The following RSRC1 variants were observed in gnomAD, a reference collection of about 807,000 sequenced individuals.
RSRC1 encodes serine/Arginine-related protein 53.
Under a neutral mutation model 49.1 loss-of-function variants are expected in RSRC1, and 39 were observed. That is an observed-to-expected ratio of 0.79 (90% CI 0.61 to 1.04). The LOEUF (loss-of-function observed/expected upper bound fraction) is 1.04, where lower values mean the gene tolerates loss of function less well. Ranked by LOEUF, RSRC1 falls within the 50% of genes least tolerant of loss-of-function variation. The probability of loss-of-function intolerance (pLI) is 0.00; values close to 1 mark genes in which losing one functional copy is unlikely to be tolerated. For missense variants in RSRC1, 388 were observed against 402.4 expected (o/e 0.96, Z 0.31); for synonymous variants, 143 against 130.8 (o/e 1.09, Z -0.63).
In RSRC1 at chr3:158,460,923, T is replaced by G. The variant is rs1348509984; in HGVS notation, c.584-12T>G. ...TAAAATAAGTACAAAAATTGTATTG[T>G]TTTTGTTTCAGCAAAAGCTGATGAA... On this transcript the variant is annotated splice_polypyrimidine_tract_variant and intron_variant, in intron 6 of 9. Coordinates refer to ENST00000611884, the MANE Select transcript of RSRC1 (RefSeq NM_001271838.2). 1 of 1,572,558 alleles carries G rather than the reference T, an allele frequency of 6.4e-7. No homozygotes were observed. Among genetic ancestry groups the G allele is most frequent in the African/African-American group, 1.4e-5 (1 of 73,280 alleles).
intron 3 of RSRC1, among the ~76,000 whole-genome samples, chr3:158,146,827 G>A (rs970546025): frequency 6.6e-6 from 1 of 152,110 alleles, no homozygotes; most frequent in Non-Finnish European, 1.5e-5. Flanking sequence ...GGTCTATTCA[G>A]AGATTTAGCT....
intron 4 of RSRC1, among the ~76,000 whole-genome samples, chr3:158,235,456 A>G (rs1174056650): frequency 6.6e-6 from 1 of 152,210 alleles, no homozygotes; most frequent in Admixed American, 6.5e-5. Context: ...TAGGAAAGAA[A>G]AAAACAGTGC....
At chr3:158,269,379 A>G (rs1049476489) in intron 4 of RSRC1, among the ~76,000 whole-genome samples, 22 of 152,226 alleles carry the variant, frequency 1.4e-4, no homozygotes, top group African/African-American at 5.1e-4. Flanking sequence ...TTGAAGTTTT[A>G]TCATATTCTC....
At chr3:158,199,115 A>G (rs1720863851) in intron 3 of RSRC1, among the ~76,000 whole-genome samples, 1 of 152,130 alleles carries the variant, frequency 6.6e-6, no homozygotes, top group Admixed American at 6.6e-5. Flanking sequence ...GTCTCATGAG[A>G]TCTGAAGGTA....
chr3:158,321,969 A>C (rs1442179595), intron 5 of RSRC1, among the ~76,000 whole-genome samples: 1 of 50,588 alleles, frequency 2.0e-5, no homozygotes, highest in Non-Finnish European at 3.9e-5. Flanking sequence ...GAAACTTTTA[A>C]CACCTACACA....
rs866900105 is a variant in RSRC1, at chr3:158,316,205, T to C, written c.531+18130T>C. On this transcript the variant is annotated intron_variant, in intron 5 of 9. Transcript: ENST00000611884. ...AAAAAAGCTGATAATAAAAAGAAAG[T>C]ATTTAACAAACAATTCTTAGACAGT... Among the ~76,000 whole-genome samples, 10 of 151,230 alleles carry C rather than the reference T, an allele frequency of 6.6e-5. No individual in the cohort carries two copies. The South Asian group carries it at 1.9e-3, about 29-fold the overall frequency.
intron 4 of RSRC1, among the ~76,000 whole-genome samples, chr3:158,288,969 A>AT (rs1726754641): frequency 6.6e-6 from 1 of 150,510 alleles, no homozygotes; most frequent in African/African-American, 2.4e-5. Context: ...TAGATACCAT[A>AT]TTTTTTCTTG....
intron 6 of RSRC1, among the ~76,000 whole-genome samples, chr3:158,443,601 C>G (rs1406190122): frequency 2.0e-5 from 3 of 152,154 alleles, no homozygotes; most frequent in African/African-American, 7.2e-5. Flanking sequence ...CTAGACCACT[C>G]AAACTTTGTC....
chr3:158,392,776 T>C (rs543363557), intron 6 of RSRC1, among the ~76,000 whole-genome samples: 1 of 152,074 alleles, frequency 6.6e-6, no homozygotes, highest in African/African-American at 2.4e-5. Context: ...ATCATTGATG[T>C]GGAAAACTAA....
chr3:158,286,213 C>T (rs943018634), intron 4 of RSRC1, among the ~76,000 whole-genome samples: 1 of 152,092 alleles, frequency 6.6e-6, no homozygotes, highest in African/African-American at 2.4e-5. Context: ...GTTGTAAAAT[C>T]TTGTTTTATT....
chr3:158,156,042 A>T (rs1717856447), intron 3 of RSRC1, among the ~76,000 whole-genome samples: 1 of 152,188 alleles, frequency 6.6e-6, no homozygotes, highest in South Asian at 2.1e-4. Context: ...TAAGACCCAG[A>T]TGACACCTTC....
chr3:158,533,858 A>T (rs990228997), intron 7 of RSRC1, among the ~76,000 whole-genome samples: 1 of 151,686 alleles, frequency 6.6e-6, no homozygotes, highest in Non-Finnish European at 1.5e-5. Flanking sequence ...TGTAATTAAT[A>T]AAAAATTTAT....
intron 1 of RSRC1, among the ~76,000 whole-genome samples, chr3:158,117,369 T>C (rs1269414756): frequency 1.3e-5 from 2 of 152,206 alleles, no homozygotes; most frequent in Non-Finnish European, 2.9e-5. Flanking sequence ...TGATTGCAGC[T>C]CACTGCAGCC....
intron 3 of RSRC1, among the ~76,000 whole-genome samples, chr3:158,136,046 A>G (rs1716350899): frequency 1.3e-5 from 2 of 152,338 alleles, no homozygotes; most frequent in South Asian, 4.1e-4. Flanking sequence ...GTATAGATTG[A>G]GCTGTAAGCT....
chr3:158,470,359 C>CATATAT lies in RSRC1; in HGVS notation c.652+9357_652+9358insTATATA, dbSNP rs1219686437. On this transcript the variant is annotated intron_variant, in intron 7 of 9. Transcript: ENST00000611884. ...ACACACACACACACACACACACACA[C>CATATAT]ACATATATATATATATATATAAAAC... Among the ~76,000 whole-genome samples, 435 of 93,240 alleles carry CATATAT rather than the reference C, an allele frequency of 4.7e-3. 1 individual carries two copies. Among genetic ancestry groups the CATATAT allele is most frequent in the African/African-American group, 0.015 (398 of 26,322 alleles). 61.2% of individuals were successfully genotyped at this position (93,240 alleles called of 152,430 possible). A position where few individuals can be genotyped will look rare whatever the true frequency, so the allele number is the denominator to read the frequency against.
At chr3:158,404,051 T>C (rs1734027538) in intron 6 of RSRC1, among the ~76,000 whole-genome samples, 1 of 151,926 alleles carries the variant, frequency 6.6e-6, no homozygotes, top group South Asian at 2.1e-4. Flanking sequence ...AACATTTTTC[T>C]TTAAAGACAA....
intron 4 of RSRC1, among the ~76,000 whole-genome samples, chr3:158,285,212 G>A (rs1726446231): frequency 6.6e-6 from 1 of 152,008 alleles, no homozygotes; most frequent in Non-Finnish European, 1.5e-5. Flanking sequence ...GTAGTTATTC[G>A]GCGTTATTTC....
intron 5 of RSRC1, among the ~76,000 whole-genome samples, chr3:158,341,394 C>T (rs1257815928): frequency 1.3e-5 from 2 of 152,040 alleles, no homozygotes; most frequent in African/African-American, 2.4e-5. Context: ...TGCCCTGTGT[C>T]CCAGCCACTC....
At chr3:158,517,842 A>C (rs939670950) in intron 7 of RSRC1, among the ~76,000 whole-genome samples, 1 of 133,968 alleles carries the variant, frequency 7.5e-6, no homozygotes, top group Admixed American at 8.5e-5. Flanking sequence ...GGACTCAGGC[A>C]GTCCTCCTGC....
Sources: allele counts gnomAD v4.1 joint callset (sites outside exome capture counted in the v4.1 genomes callset), GRCh38; gene constraint gnomAD v4.1.1; transcripts MANE v1.5; gene names NCBI Gene and HGNC (gene_info 2026-07-23, HGNC 2026-07-21).